Variants in RIMS2 observed in about 807,000 individuals in gnomAD.
RIMS2 encodes regulating synaptic membrane exocytosis 2, also known as regulating synaptic membrane exocytosis protein 2.
Under a neutral mutation model 174.4 loss-of-function variants are expected in RIMS2, and 59 were observed. The ratio of observed to expected loss-of-function variants is 0.34; its 90% CI spans 0.27 to 0.42. The LOEUF (loss-of-function observed/expected upper bound fraction) is 0.42, where lower values mean the gene tolerates loss of function less well. RIMS2 is among the 10% of genes least tolerant of loss of function. The pLI, the probability that RIMS2 is intolerant of heterozygous loss-of-function variation, is 1.00. For synonymous variants in RIMS2, 606 were observed against 572.5 expected (o/e 1.06, Z -0.84); for missense variants, 1,620 against 1,666.3 (o/e 0.97, Z 0.48).
At chr8:103,615,797 A>G (rs1564026660) in intron 1 of RIMS2, among the ~76,000 whole-genome samples, 1 of 152,184 alleles carries the variant, frequency 6.6e-6, no homozygotes, top group Non-Finnish European at 1.5e-5. Context: ...TCCTGGACAC[A>G]TACACCCTCC....
intron 3 of RIMS2, among the ~76,000 whole-genome samples, chr8:103,855,930 A>T (rs1390980554): frequency 6.6e-6 from 1 of 152,062 alleles, no homozygotes; most frequent in Non-Finnish European, 1.5e-5. Context: ...TGCCTTGATG[A>T]TCTGTCTAAT....
At chr8:104,016,288 A>G (rs1001248268) in intron 19 of RIMS2, among the ~76,000 whole-genome samples, 3 of 152,118 alleles carry the variant, frequency 2.0e-5, no homozygotes, top group African/African-American at 4.8e-5. Context: ...AAGTACCACT[A>G]AAATAATCTC....
In RIMS2 at chr8:103,862,340, T is replaced by C. The variant is rs2099063176; in HGVS notation, c.699-22958T>C. 2.6e-5 allele frequency among the ~76,000 whole-genome samples: 4 copies of C among 152,156 alleles called. No individual in the cohort carries two copies. The South Asian group carries it at 6.2e-4, about 24-fold the overall frequency. ...ATTCTGTTCCATTGATCTATGTGTC[T>C]ATTTTTATATTAATTCCCTGCTCTT... On this transcript the variant is annotated intron_variant, in intron 3 of 23. Coordinates refer to ENST00000504942, the Ensembl canonical transcript of RIMS2.
chr8:103,512,900 G>C (rs1461757893), intron 1 of RIMS2, among the ~76,000 whole-genome samples: 1 of 152,130 alleles, frequency 6.6e-6, no homozygotes, highest in Non-Finnish European at 1.5e-5. Context: ...AATGAGCTTA[G>C]TCATTTGTGT....
At chr8:103,806,883 T>C (rs1160389571) in intron 3 of RIMS2, among the ~76,000 whole-genome samples, 3 of 152,078 alleles carry the variant, frequency 2.0e-5, no homozygotes, top group East Asian at 1.9e-4. Flanking sequence ...AGATAAATCA[T>C]GGTGTTGTTT....
intron 1 of RIMS2, among the ~76,000 whole-genome samples, chr8:103,687,611 A>G (rs559791764): frequency 6.6e-6 from 1 of 152,234 alleles, no homozygotes; most frequent in South Asian, 2.1e-4. Context: ...ACAATAGATC[A>G]CTTGAATCTC....
chr8:103,559,156 C>G (rs1286908434), intron 1 of RIMS2: 1 of 172,082 alleles, frequency 5.8e-6, no homozygotes, highest in Non-Finnish European at 1.2e-5. Context: ...GCCTCAGCTC[C>G]CTCATCTTCA....
rs542072763 is a variant in RIMS2 at position 104,163,359 on chromosome 8, A to G, written c.3335-81557A>G. On this transcript the variant is annotated intron_variant, in intron 19 of 23. Coordinates refer to ENST00000504942, the Ensembl canonical transcript of RIMS2. ...GTGACAAACAATATGGTATGTGCCA[A>G]CTATTGTCCTCCTCATATGGTATCT... Among the ~76,000 whole-genome samples the G allele has an allele frequency of 2.6e-5, 4 of 152,336 alleles. No homozygotes were observed. The South Asian group carries it at 8.3e-4, about 32-fold the overall frequency.
chr8:103,641,716 T>A (rs1379216387), intron 1 of RIMS2, among the ~76,000 whole-genome samples: 1 of 151,998 alleles, frequency 6.6e-6, no homozygotes, highest in Non-Finnish European at 1.5e-5. Context: ...TCTTGTTCGT[T>A]CTCATGAGTG....
chr8:104,109,940 A>G (rs969025998), intron 19 of RIMS2, among the ~76,000 whole-genome samples: 2 of 152,178 alleles, frequency 1.3e-5, no homozygotes, highest in African/African-American at 4.8e-5. Flanking sequence ...TTTAACATCT[A>G]TGTGCTAGAC....
At chr8:104,079,089 A>G (rs2097355816) in intron 19 of RIMS2, among the ~76,000 whole-genome samples, 1 of 152,164 alleles carries the variant, frequency 6.6e-6, no homozygotes, top group South Asian at 2.1e-4. Flanking sequence ...TGGCAGTATT[A>G]TGCAAAAAAA....
intron 4 of RIMS2, among the ~76,000 whole-genome samples, chr8:103,894,578 A>G (rs2099266494): frequency 6.6e-6 from 1 of 151,678 alleles, no homozygotes; most frequent in Non-Finnish European, 1.5e-5. Flanking sequence ...CTGTATGAAA[A>G]GAAAATTTTT....
intron 19 of RIMS2, among the ~76,000 whole-genome samples, chr8:104,071,659 A>G (rs1174238869): frequency 6.6e-6 from 1 of 152,082 alleles, no homozygotes; most frequent in Non-Finnish European, 1.5e-5. Context: ...GATGGTCTCA[A>G]TCTACTGACC....
intron 19 of RIMS2, among the ~76,000 whole-genome samples, chr8:104,213,888 A>AAAAGAAGAAG (rs778544122): frequency 2.0e-4 from 29 of 148,182 alleles, no homozygotes; most frequent in African/African-American, 7.1e-4. Flanking sequence ...AAAAAAAAAA[A>AAAAGAAGAAG]AAGAAGAAGA....
At chr8:103,862,492 T>C (rs915660433) in intron 3 of RIMS2, among the ~76,000 whole-genome samples, 2 of 152,080 alleles carry the variant, frequency 1.3e-5, no homozygotes, top group Non-Finnish European at 2.9e-5. Context: ...AGATTTTTTT[T>C]TTAATTTTGT....
intron 3 of RIMS2, among the ~76,000 whole-genome samples, chr8:103,809,884 A>G (rs1340337419): frequency 4.6e-5 from 7 of 152,190 alleles, no homozygotes; most frequent in Non-Finnish European, 8.8e-5. Flanking sequence ...CAGGTAGGGT[A>G]AAAAATCCAG....
At chr8:103,967,275 C>A (rs1286282855) in intron 15 of RIMS2, among the ~76,000 whole-genome samples, 4 of 143,288 alleles carry the variant, frequency 2.8e-5, no homozygotes, top group Non-Finnish European at 6.1e-5. Context: ...CCTCTGCCTC[C>A]CAGGTTCAAG....
intron 19 of RIMS2, among the ~76,000 whole-genome samples, chr8:104,065,420 A>G (rs1383379328): frequency 6.6e-6 from 1 of 152,114 alleles, no homozygotes; most frequent in Admixed American, 6.6e-5. Flanking sequence ...AAATATTATT[A>G]CTGGATTATT....
chr8:103,688,867 G>T (rs1383406727), intron 1 of RIMS2, among the ~76,000 whole-genome samples: 1 of 151,418 alleles, frequency 6.6e-6, no homozygotes, highest in Non-Finnish European at 1.5e-5. Context: ...CTGCTGATAC[G>T]TATTGTTTCC....
Sources: gnomAD v4.1 joint callset for allele counts (sites outside exome capture counted in the v4.1 genomes callset) on GRCh38, gnomAD v4.1.1 for gene constraint, MANE v1.5 for transcripts, NCBI Gene and HGNC (gene_info 2026-07-23, HGNC 2026-07-21) for gene names.